The following ALMS1 variants were observed in gnomAD, a reference collection of about 807,000 sequenced individuals.
ALMS1 encodes centrosome-associated protein ALMS1.
ALMS1 carries 271 observed loss-of-function variants against 352.2 expected under a neutral mutation model. The observed-to-expected ratio is 0.77, with a 90% confidence interval of 0.70 to 0.85. ALMS1 has a LOEUF of 0.85. Among genes scored for constraint, ALMS1 ranks in the 40% least tolerant of loss-of-function variants. The pLI is 0.00. For missense variants in ALMS1, 5,445 were observed against 4,870.7 expected (o/e 1.12, Z -3.51); for synonymous variants, 1,865 against 1,761.2 (o/e 1.06, Z -1.48).
chr2:73,586,996 T>TG lies in ALMS1; in HGVS notation c.11548-12404dup, dbSNP rs1326317613. Among the ~76,000 whole-genome samples the TG allele has an allele frequency of 1.0e-4, 15 of 146,992 alleles. No homozygotes were observed. The Admixed American group carries it at 1.0e-3, about 10-fold the overall frequency. ...GGTTAGGTATATTCCTAAGGTTTTGTGTTTTTTTTTGTTTGTTTGTTTATT... is the reference window on the plus strand; with the variant it reads ...GGTTAGGTATATTCCTAAGGTTTTGTGGTTTTTTTTTGTTTGTTTGTTTATT... On this transcript the variant is annotated intron_variant, in intron 16 of 22. Transcript: ENST00000613296.
chr2:73,504,357 T>G (rs181350236), intron 10 of ALMS1, among the ~76,000 whole-genome samples: 1 of 152,320 alleles, frequency 6.6e-6, no homozygotes, highest in Non-Finnish European at 1.5e-5. Flanking sequence ...GATACAGAAG[T>G]GCTCTGTCAC....
intron 9 of ALMS1, among the ~76,000 whole-genome samples, chr2:73,463,191 G>T (rs944621289): frequency 6.6e-6 from 1 of 152,276 alleles, no homozygotes; most frequent in Admixed American, 6.5e-5. Flanking sequence ...TTCCAAAACT[G>T]ACCACGTAGT....
At chr2:73,566,994 C>G (rs1674814422) in intron 15 of ALMS1, among the ~76,000 whole-genome samples, 1 of 152,230 alleles carries the variant, frequency 6.6e-6, no homozygotes, top group Admixed American at 6.5e-5. Flanking sequence ...CATGTCCTCT[C>G]TGGGCCTGCC....
intron 10 of ALMS1, among the ~76,000 whole-genome samples, chr2:73,499,681 A>G (rs758067383): frequency 1.5e-4 from 23 of 151,938 alleles, no homozygotes; most frequent in Non-Finnish European, 2.8e-4. Flanking sequence ...TAGTTTTTAT[A>G]TTTGTCTCTT....
intron 15 of ALMS1, among the ~76,000 whole-genome samples, chr2:73,569,051 G>C: frequency 9.1e-6 from 1 of 109,484 alleles, no homozygotes; most frequent in Admixed American, 1.4e-4. Flanking sequence ...GTCTCGCTCT[G>C]TCGCCCAGGC....
chr2:73,465,577 G>C (rs1672318035), intron 9 of ALMS1, among the ~76,000 whole-genome samples: 1 of 152,074 alleles, frequency 6.6e-6, no homozygotes, highest in Admixed American at 6.6e-5. Flanking sequence ...CATAGGCATG[G>C]GCAAAGACTT....
chr2:73,443,952 A>T (rs1210644977), intron 7 of ALMS1, among the ~76,000 whole-genome samples: 1 of 151,860 alleles, frequency 6.6e-6, no homozygotes, highest in Non-Finnish European at 1.5e-5. Flanking sequence ...AATGGCCTAT[A>T]TGTCTTTCTT....
chr2:73,524,997 G>T (rs1457845943), intron 11 of ALMS1, among the ~76,000 whole-genome samples: 1 of 152,068 alleles, frequency 6.6e-6, no homozygotes, highest in East Asian at 1.9e-4. Context: ...TGAAGTTTCT[G>T]TTCCTATGCC....
Position 73,490,688 on chromosome 2 carries a change from A to G in ALMS1, c.8729A>G (p.His2910Arg), listed in dbSNP as rs781370939. The G allele has an allele frequency of 1.4e-5, 23 of 1,613,994 alleles. No individual in the cohort carries two copies. Among genetic ancestry groups the G allele is most frequent in the South Asian group, 2.2e-5 (2 of 91,080 alleles). ...AAACACCATTCTCCCTCTCCTCAACATCAGGATTATGTAGCTCCAGACCTT... is the reference window on the plus strand; with the variant it reads ...AAACACCATTCTCCCTCTCCTCAACGTCAGGATTATGTAGCTCCAGACCTT... The part of the protein sequence containing the change: ...VRKHHSPSPQ[H>R]QDYVAPDLPS... Residue 2910 changes from histidine to arginine, a missense_variant, in exon 10 of 23, where the codon CAT (histidine) becomes CGT (arginine). Physicochemically the swap from His to Arg is conservative, Grantham distance 29. Transcript: ENST00000613296.
Position 73,601,107 on chromosome 2 carries a change from T to C in ALMS1, c.11873-88T>C, listed in dbSNP as rs1675674830. ...CTGACAGCTGAGACCCCTGAGAACC[T>C]GTATTATATGCATATCCTGGATAAG... is the stretch of plus-strand genomic sequence containing the variant. On this transcript the variant is annotated intron_variant, in intron 18 of 22. Coordinates refer to ENST00000613296, the MANE Select transcript of ALMS1 (RefSeq NM_001378454.1). 10 of 1,596,372 alleles carry C rather than the reference T, an allele frequency of 6.3e-6. No homozygotes were observed. The East Asian group carries it at 2.2e-4, about 36-fold the overall frequency.
chr2:73,392,149 A>T lies in ALMS1; in HGVS notation c.324+5957A>T, dbSNP rs768717827. Reference sequence around the variant, plus strand: ...TTTAATTTATTTTTCATTCAAGGACACAGCTCTTGATTTAAGTTTCTGTTG... The same window carrying T: ...TTTAATTTATTTTTCATTCAAGGACTCAGCTCTTGATTTAAGTTTCTGTTG... On this transcript the variant is annotated intron_variant, in intron 1 of 22. Coordinates refer to ENST00000613296, the MANE Select transcript of ALMS1 (RefSeq NM_001378454.1). Among the ~76,000 whole-genome samples the T allele has an allele frequency of 2.6e-5, 4 of 151,830 alleles. No individual in the cohort carries two copies. The East Asian group carries it at 7.7e-4, about 29-fold the overall frequency.
intron 16 of ALMS1, among the ~76,000 whole-genome samples, chr2:73,596,549 G>A (rs1340435724): frequency 1.3e-5 from 2 of 149,938 alleles, no homozygotes; most frequent in African/African-American, 2.5e-5. Context: ...TCGGCACACT[G>A]CAACCTTTGC....
In ALMS1 at chr2:73,419,260, G is replaced by C; in HGVS notation, c.588G>C (p.Thr196=). 1.2e-6 allele frequency: 2 copies of C among 1,613,988 alleles called. No homozygotes were observed. The highest frequency in any genetic ancestry group is 1.7e-6 in the Non-Finnish European group (2 of 1,179,916). The change falls in exon 3 of 23, where the codon ACG becomes ACC. Residue 196 remains threonine, a synonymous_variant. Coordinates refer to ENST00000613296, the MANE Select transcript of ALMS1 (RefSeq NM_001378454.1). ...DFPSLEEGIL[T]QSENQVKEPN... Reference sequence around the variant, plus strand: ...CCTCTCTGGAGGAGGGCATATTGACGCAATCAGAAAATCAAGTAAAGGAAC... The same window carrying C: ...CCTCTCTGGAGGAGGGCATATTGACCCAATCAGAAAATCAAGTAAAGGAAC...
At chr2:73,388,437 TCTC>T (rs1179365642) in intron 1 of ALMS1, among the ~76,000 whole-genome samples, 1 of 152,184 alleles carries the variant, frequency 6.6e-6, no homozygotes. Flanking sequence ...TCAGCCCTTC[TCTC>T]CTCCTTCTGG....
chr2:73,514,135 A>G (rs567978896), intron 10 of ALMS1, among the ~76,000 whole-genome samples: 3 of 152,224 alleles, frequency 2.0e-5, no homozygotes, highest in Admixed American at 2.0e-4. Flanking sequence ...ATCACTTGTC[A>G]ATGTCATATG....
intron 16 of ALMS1, among the ~76,000 whole-genome samples, chr2:73,577,830 T>C (rs894709039): frequency 1.3e-5 from 2 of 152,226 alleles, no homozygotes; most frequent in African/African-American, 4.8e-5. Context: ...GAGAATTTTA[T>C]GTGCATTTAA....
intron 7 of ALMS1, among the ~76,000 whole-genome samples, chr2:73,436,512 G>A (rs1414890113): frequency 2.0e-5 from 3 of 152,130 alleles, no homozygotes; most frequent in African/African-American, 7.2e-5. Flanking sequence ...TTGCATCACA[G>A]TCCACATATA....
At chr2:73,482,312 T>C (rs60662496) in intron 9 of ALMS1, among the ~76,000 whole-genome samples, 4,312 of 152,280 alleles carry the variant, frequency 0.028, 203 homozygotes, top group African/African-American at 0.097. Context: ...TGTCAAAGGC[T>C]TTTTCTGCAT....
chr2:73,531,586 G>C (rs536227888), intron 11 of ALMS1, among the ~76,000 whole-genome samples: 1 of 152,304 alleles, frequency 6.6e-6, no homozygotes, highest in South Asian at 2.1e-4. Flanking sequence ...ATCTCTGCCT[G>C]TTACCCAGTT....
Sources: allele counts gnomAD v4.1 joint callset (sites outside exome capture counted in the v4.1 genomes callset), GRCh38; gene constraint gnomAD v4.1.1; transcripts MANE v1.5; gene names NCBI Gene and HGNC (gene_info 2026-07-23, HGNC 2026-07-21).